The following METTL8 variants were observed in gnomAD, a reference collection of about 807,000 sequenced individuals.
METTL8 encodes tRNA N(3)-cytidine methyltransferase METTL8, mitochondrial.
A neutral mutation model predicts 48.7 loss-of-function variants in METTL8; 32 were observed. The ratio of observed to expected loss-of-function variants is 0.66; its 90% CI spans 0.50 to 0.88. The LOEUF is 0.88. Among genes scored for constraint, METTL8 ranks in the 40% least tolerant of loss-of-function variants. METTL8 has a pLI of 0.00. For missense variants in METTL8, 464 were observed against 474.4 expected, an observed-to-expected ratio of 0.98 and a Z score of 0.20; for synonymous variants, 136 against 157.1, an observed-to-expected ratio of 0.87 and a Z score of 1.01.
intron 4 of METTL8, 77 bp from the exon 5 acceptor site, chr2:171,337,579 A>G: frequency 9.3e-7 from 1 of 1,070,746 alleles, no homozygotes; most frequent in Non-Finnish European, 1.4e-6. Flanking sequence ...CTCCTATTAA[A>G]GAAAAAAACA....
upstream of METTL8, chr2:171,434,287 G>C: frequency 1.7e-6 from 1 of 575,668 alleles, no homozygotes; most frequent in Non-Finnish European, 3.3e-6. Context: ...GAGCGGCTCC[G>C]GCCGGCCGCG....
At chr2:171,344,628 T>C (rs755929585) in intron 3 of METTL8, among the ~76,000 whole-genome samples, 1 of 152,184 alleles carries the variant, frequency 6.6e-6, no homozygotes. Context: ...AGTTATATGA[T>C]GAAATGATGA....
At chr2:171,353,295 T>A (rs1162356629) in intron 3 of METTL8, among the ~76,000 whole-genome samples, 1 of 152,200 alleles carries the variant, frequency 6.6e-6, no homozygotes, top group Non-Finnish European at 1.5e-5. Flanking sequence ...AGTTTCTTAA[T>A]CCTGAGTTCT....
intron 3 of METTL8, among the ~76,000 whole-genome samples, chr2:171,350,736 T>C (rs1193174063): frequency 3.9e-5 from 6 of 152,384 alleles, no homozygotes; most frequent in African/African-American, 1.4e-4. Context: ...TTTTTTCATA[T>C]GTCTGTTGGC....
At chr2:171,333,838 CTTT>C (rs1685795049) in intron 5 of METTL8, among the ~76,000 whole-genome samples, 2 of 152,076 alleles carry the variant, frequency 1.3e-5, no homozygotes, top group Admixed American at 6.5e-5. Context: ...TTAATCTCTT[CTTT>C]AATTCAATTC....
rs143575808 is a variant in METTL8, at chr2:171,368,325, A to G, written c.144-7812T>C. Among the ~76,000 whole-genome samples the G allele has an allele frequency of 2.2e-3, 337 of 152,308 alleles. 2 individuals carry two copies. Among genetic ancestry groups the G allele is most frequent in the African/African-American group, 7.7e-3 (321 of 41,554 alleles). Reference sequence around the variant, plus strand: ...CTGAACTAGCTGCTTTTTTCATGGAATGCTATTTTTACTTGAAAGAGCAAC... The same window carrying G: ...CTGAACTAGCTGCTTTTTTCATGGAGTGCTATTTTTACTTGAAAGAGCAAC... On this transcript the variant is annotated intron_variant, in intron 2 of 9. Coordinates refer to ENST00000375258, the MANE Select transcript of METTL8 (RefSeq NM_001321154.2).
chr2:171,401,365 T>C (rs1046170156), intron 1 of METTL8, among the ~76,000 whole-genome samples: 1 of 152,166 alleles, frequency 6.6e-6, no homozygotes, highest in Non-Finnish European at 1.5e-5. Context: ...TGCATCTTGT[T>C]TTAATCTTTC....
intron 2 of METTL8, among the ~76,000 whole-genome samples, chr2:171,365,993 T>G (rs1345564047): frequency 6.6e-6 from 1 of 151,930 alleles, no homozygotes; most frequent in African/African-American, 2.4e-5. Context: ...GAGTTCAGAG[T>G]TGCAGAGGTG....
rs961183901 is a variant in METTL8, at chr2:171,316,628, G to T, written c.*7544C>A. ...TTCATGGAAAGGATAGATCTTCCTT[G>T]CTTTTTGGGATCCTGAATTTCATCT... On this transcript the variant is annotated 3_prime_UTR_variant, in exon 10 of 10. Transcript: ENST00000375258. Among the ~76,000 whole-genome samples the T allele has an allele frequency of 2.6e-5, 4 of 152,182 alleles. No homozygotes were observed. The highest frequency in any genetic ancestry group is 5.9e-5 in the Non-Finnish European group (4 of 68,032).
At chr2:171,384,657 C>T (rs1687875719) in intron 2 of METTL8, among the ~76,000 whole-genome samples, 1 of 151,646 alleles carries the variant, frequency 6.6e-6, no homozygotes, top group Non-Finnish European at 1.5e-5. Flanking sequence ...TAGTGAGACC[C>T]CACCTCTACA....
chr2:171,404,052 CATATATATATATATATAT>C lies in METTL8; in HGVS notation c.-12-11873_-12-11856del, dbSNP rs60563600. ...AAACCCTATACATACTATGCTTTCTCATATATATATATATATATATATATATATATATATATATATATA... is the reference window on the plus strand; with the variant it reads ...AAACCCTATACATACTATGCTTTCTCATATATATATATATATATATATATA... On this transcript the variant is annotated intron_variant, in intron 1 of 9. Transcript: ENST00000375258. Among the ~76,000 whole-genome samples the C allele has an allele frequency of 4.5e-3, 198 of 43,968 alleles. 5 individuals carry two copies. The highest frequency in any genetic ancestry group is 0.02 in the South Asian group (22 of 1,086). 28.8% of individuals were successfully genotyped at this position (43,968 alleles called of 152,430 possible). A position where few individuals can be genotyped will look rare whatever the true frequency, so the allele number is the denominator to read the frequency against.
chr2:171,356,112 C>A (rs537248662), intron 3 of METTL8, among the ~76,000 whole-genome samples: 1 of 152,272 alleles, frequency 6.6e-6, no homozygotes, highest in South Asian at 2.1e-4. Context: ...CTTGGAACCA[C>A]ACCTTTTTGT....
At chr2:171,377,812 C>T (rs1055374472) in intron 2 of METTL8, among the ~76,000 whole-genome samples, 1 of 152,134 alleles carries the variant, frequency 6.6e-6, no homozygotes, top group Non-Finnish European at 1.5e-5. Context: ...CTATGGAAAA[C>T]AGTATGGAGA....
intron 7 of METTL8, 67 bp from the exon 8 acceptor site, chr2:171,326,215 C>T (rs1182249774): frequency 1.2e-6 from 1 of 842,126 alleles, no homozygotes; most frequent in East Asian, 2.7e-5. Flanking sequence ...CTGGATTTAA[C>T]TTTGTTGAAG....
At chr2:171,370,356 T>C (rs779514075) in intron 2 of METTL8, among the ~76,000 whole-genome samples, 1 of 152,200 alleles carries the variant, frequency 6.6e-6, no homozygotes, top group African/African-American at 2.4e-5. Flanking sequence ...TCTATGTACA[T>C]TGTTCATTTA....
intron 2 of METTL8, among the ~76,000 whole-genome samples, chr2:171,367,658 A>T (rs938542561): frequency 1.3e-5 from 2 of 152,218 alleles, no homozygotes; most frequent in East Asian, 3.8e-4. Context: ...AATTTATTTT[A>T]AAAAACTCAA....
At chr2:171,406,800 A>C (rs1690226394) in intron 1 of METTL8, among the ~76,000 whole-genome samples, 1 of 152,206 alleles carries the variant, frequency 6.6e-6, no homozygotes, top group Admixed American at 6.5e-5. Context: ...ACTATGAGGC[A>C]AGAAAACTAG....
chr2:171,329,211 G>C (rs994308331), intron 7 of METTL8, among the ~76,000 whole-genome samples: 3 of 151,996 alleles, frequency 2.0e-5, no homozygotes, highest in African/African-American at 7.3e-5. Flanking sequence ...GGCTGGTCTG[G>C]AACTCCTGAC....
chr2:171,434,638 T>G (rs907053017), upstream of METTL8: 10 of 1,534,094 alleles, frequency 6.5e-6, no homozygotes, highest in African/African-American at 1.3e-4. Context: ...GCTGGGCTGC[T>G]TCTCGCGCGA....
Sources: allele counts gnomAD v4.1 joint callset (sites outside exome capture counted in the v4.1 genomes callset), GRCh38; gene constraint gnomAD v4.1.1; transcripts MANE v1.5; gene names NCBI Gene and HGNC (gene_info 2026-07-23, HGNC 2026-07-21).